TMEM161A: variants seen among roughly 807,000 people sequenced by gnomAD.
TMEM161A encodes transmembrane protein 161A, also known as adaptive response to oxidative stress protein 29.
In TMEM161A, 46 loss-of-function variants were observed where a neutral mutation model predicts 57.1. The ratio of observed to expected loss-of-function variants is 0.81; its 90% confidence interval spans 0.64 to 1.03. The LOEUF is 1.03. Among genes scored for constraint, TMEM161A ranks in the 50% least tolerant of loss-of-function variants. The probability of loss-of-function intolerance (pLI) is 0.00; values close to 1 mark genes in which losing one functional copy is unlikely to be tolerated. For missense variants in TMEM161A, 601 were observed against 621.5 expected, an observed-to-expected ratio of 0.97 and a Z score of 0.35; for synonymous variants, 288 against 279.0, an observed-to-expected ratio of 1.03 and a Z score of -0.32.
At chr19:19,122,388 G>C (rs1328538719) in intron 6 of TMEM161A, among the ~76,000 whole-genome samples, 2 of 152,166 alleles carry the variant, frequency 1.3e-5, no homozygotes, top group Non-Finnish European at 2.9e-5. Flanking sequence ...CTAGGTTATA[G>C]AAGGAATCTA....
rs377105334 is a variant in TMEM161A, at chr19:19,130,166, G to A, written c.585C>T (p.Gly195=). The change falls in exon 6 of 12, where the codon GGC becomes GGT. Residue 195 remains glycine (G), a synonymous_variant. Coordinates refer to ENST00000162044, the MANE Select transcript of TMEM161A (RefSeq NM_017814.3). ...QVVREETLEL[G]LEPGLASMTQ... is the part of the protein sequence containing the mutation. Reference sequence around the variant, plus strand: ...GGGGGCTGCACTTACCAGGCTCCAGGCCCAGCTCGAGGGTCTCCTCCCGCA... The same window carrying A: ...GGGGGCTGCACTTACCAGGCTCCAGACCCAGCTCGAGGGTCTCCTCCCGCA... 57 of 1,613,264 alleles carry A rather than the reference G, an allele frequency of 3.5e-5. No homozygotes were observed. The African/African-American group carries it at 7.6e-4, about 22-fold the overall frequency.
rs2059909390 is a variant in TMEM161A, at chr19:19,121,359, A to G, written c.863T>C (p.Ile288Thr). Reference protein sequence around the residue: ...LFILWLWTKPIARDFLHQPPF... With the variant: ...LFILWLWTKPTARDFLHQPPF... Reference sequence around the variant, plus strand: ...CGGCTGGTGCAGGAAGTCCCGTGCAATGGGCTTTGTCCAGAGCCACAGGAT... The same window carrying G: ...CGGCTGGTGCAGGAAGTCCCGTGCAGTGGGCTTTGTCCAGAGCCACAGGAT... Residue 288 changes from isoleucine (I) to threonine (T), a missense_variant, in exon 9 of 12, where the codon ATT becomes ACT. By Grantham distance (89) the Ile-to-Thr change is moderately conservative (BLOSUM62 -1). Transcript: ENST00000162044. This position sits in a 1 kb window ranked among gnomAD's most constrained non-coding sequence, Gnocchi z 5.8. 2 of 1,603,036 alleles carry G rather than the reference A, an allele frequency of 1.2e-6. No individual in the cohort carries two copies. The highest frequency in any genetic ancestry group is 1.7e-4 in the Middle Eastern group (1 of 6,052).
At chr19:19,133,089 G>A in intron 3 of TMEM161A, 41 bp downstream of exon 3, 3 of 1,580,770 alleles carry the variant, frequency 1.9e-6, no homozygotes, top group Non-Finnish European at 2.6e-6. Flanking sequence ...CTGGGGAGGA[G>A]CCACCCTCCC....
chr19:19,121,828 G>T lies in TMEM161A; in HGVS notation c.596-9C>A. 1 of 1,613,566 alleles carries T rather than the reference G, an allele frequency of 6.2e-7. No individual in the cohort carries two copies. The highest frequency in any genetic ancestry group is 2.2e-5 in the East Asian group (1 of 44,884). On this transcript the variant is annotated splice_polypyrimidine_tract_variant and intron_variant, in intron 6 of 11. Coordinates refer to ENST00000162044, the MANE Select transcript of TMEM161A (RefSeq NM_017814.3). The surrounding 1 kb of genome is among the most constrained non-coding windows in gnomAD (Gnocchi z 5.8). ...GGTCATGCTGGCCAGACCTGGGGAC[G>T]ATAAGAAGAGGACCGAGTAGAGTGA...
Position 19,121,250 on chromosome 19 carries a change from C to G in TMEM161A, c.914+58G>C. The G allele has an allele frequency of 1.9e-6, 3 of 1,551,334 alleles. No homozygotes were observed. Among genetic ancestry groups the G allele is most frequent in the Non-Finnish European group, 1.7e-6 (2 of 1,146,782 alleles). On this transcript the variant is annotated intron_variant, in intron 9 of 11. Coordinates refer to ENST00000162044, the MANE Select transcript of TMEM161A (RefSeq NM_017814.3). The surrounding 1 kb of genome is among the most constrained non-coding windows in gnomAD (Gnocchi z 5.8). ...CTTCCCCAGGCTCCTCCCTGAATCT[C>G]AGAGGCTAGGGCACCCAGGGGAGCC...
intron 6 of TMEM161A, among the ~76,000 whole-genome samples, chr19:19,124,923 C>A (rs2059924139): frequency 6.6e-6 from 1 of 151,724 alleles, no homozygotes; most frequent in Non-Finnish European, 1.5e-5. Context: ...CAGTTGCACT[C>A]CAGCCTGGGT....
intron 11 of TMEM161A, 83 bp downstream of exon 11, chr19:19,120,682 C>T (rs939755253): frequency 1.2e-5 from 16 of 1,331,326 alleles, no homozygotes; most frequent in Non-Finnish European, 1.6e-5. Flanking sequence ...CCCCCCCCAC[C>T]GCGGTCCCCG....
At chr19:19,125,988 G>A (rs1364265123) in intron 6 of TMEM161A, among the ~76,000 whole-genome samples, 1 of 143,948 alleles carries the variant, frequency 6.9e-6, no homozygotes, top group Non-Finnish European at 1.5e-5. Context: ...AAAGTAGGCC[G>A]GGCACGGTGG....
rs1344749480 is a variant in TMEM161A, at chr19:19,120,796, G to A, written c.1155C>T (p.Thr385=). The change falls in exon 11 of 12, where the codon ACC becomes ACT. Residue 385 remains threonine (T), a synonymous_variant. Coordinates refer to ENST00000162044, the MANE Select transcript of TMEM161A (RefSeq NM_017814.3). The part of the protein sequence containing the change: ...SLQYLTPLIL[T]LNCTLLLKTL... The stretch of plus-strand genomic sequence containing the variant: ...TCTTGAGCAGAAGTGTGCAGTTGAG[G>A]GTGAGGATGAGCGGCGTCAGGTACT... 8 of 1,613,496 alleles carry A rather than the reference G, an allele frequency of 5.0e-6. No individual in the cohort carries two copies. Among genetic ancestry groups the A allele is most frequent in the Non-Finnish European group, 6.8e-6 (8 of 1,180,012 alleles).
chr19:19,124,532 T>C (rs1450259522), intron 6 of TMEM161A, among the ~76,000 whole-genome samples: 1 of 152,226 alleles, frequency 6.6e-6, no homozygotes, highest in African/African-American at 2.4e-5. Flanking sequence ...TTTTTAAAGA[T>C]CTATGTTTGA....
rs199513716 is a variant in TMEM161A, at chr19:19,132,670, G to A, written c.273C>T (p.Thr91=). 79 of 1,572,740 alleles carry A rather than the reference G, an allele frequency of 5.0e-5. No homozygotes were observed. Among genetic ancestry groups the A allele is most frequent in the Admixed American group, 2.7e-4 (15 of 55,064 alleles). Residue 91 remains threonine (T), a synonymous_variant, in exon 4 of 12, where the codon ACC becomes ACT. Coordinates refer to ENST00000162044, the MANE Select transcript of TMEM161A (RefSeq NM_017814.3). The surrounding 1 kb of genome is among the most constrained non-coding windows in gnomAD (Gnocchi z 4.3). ...CTGGGCTATTACCCAGGGCATCCACGGTCGTGAGGGGGCAGGTCTCCAGCT... is the reference window on the plus strand; with the variant it reads ...CTGGGCTATTACCCAGGGCATCCACAGTCGTGAGGGGGCAGGTCTCCAGCT... ...PFQLETCPLT[T]VDALVLRFFL...
At position 19,121,537 on chromosome 19, in the gene TMEM161A, C is replaced by G; in HGVS notation, c.788G>C (p.Arg263Thr). The change falls in exon 8 of 12, where the codon AGA (arginine) becomes ACA (threonine). Residue 263 changes from arginine to threonine, a missense_variant. Coordinates refer to ENST00000162044, the MANE Select transcript of TMEM161A (RefSeq NM_017814.3). This position sits in a 1 kb window ranked among gnomAD's most constrained non-coding sequence, Gnocchi z 5.8. ...CGACCCACTTAACTGCAGCATGGGTCTGTCCTCCGACATGGTCAGTGCGTC... is the reference window on the plus strand; with the variant it reads ...CGACCCACTTAACTGCAGCATGGGTGTGTCCTCCGACATGGTCAGTGCGTC... Reference protein sequence around the residue: ...HRDALTMSEDRPMLQFLLHTS... With the variant: ...HRDALTMSEDTPMLQFLLHTS... The G allele has an allele frequency of 1.2e-6, 2 of 1,614,012 alleles. No homozygotes were observed. The highest frequency in any genetic ancestry group is 1.7e-6 in the Non-Finnish European group (2 of 1,179,970).
Position 19,132,327 on chromosome 19 carries a change from G to A in TMEM161A, c.443+25C>T, listed in dbSNP as rs778439811. 6.3e-7 allele frequency: 1 copy of A among 1,599,430 alleles called. No homozygotes were observed. The highest frequency in any genetic ancestry group is 1.1e-5 in the South Asian group (1 of 88,770). ...AGGTCCTGCTCCCACCCGCCCCACT[G>A]GCAGGGAGCAGAGAGGAAGGATACA... On this transcript the variant is annotated intron_variant, in intron 5 of 11. Transcript: ENST00000162044. This position sits in a 1 kb window ranked among gnomAD's most constrained non-coding sequence, Gnocchi z 4.3.
chr19:19,120,976 A>G lies in TMEM161A; in HGVS notation c.1089+16T>C. 1.2e-6 allele frequency: 2 copies of G among 1,606,900 alleles called. No individual in the cohort carries two copies. The highest frequency in any genetic ancestry group is 1.7e-6 in the Non-Finnish European group (2 of 1,176,060). ...CCCCAGGTTCCCTCTGGCCTAGGTCATCGGGGCGTCCATACCCTCTGCTGG... is the reference window on the plus strand; with the variant it reads ...CCCCAGGTTCCCTCTGGCCTAGGTCGTCGGGGCGTCCATACCCTCTGCTGG... On this transcript the variant is annotated intron_variant, in intron 10 of 11. Coordinates refer to ENST00000162044, the MANE Select transcript of TMEM161A (RefSeq NM_017814.3).
rs140281666 is a variant in TMEM161A, at chr19:19,119,750, T to C, written c.*180A>G. ...ATGCTGCTGGGCCCAGGAGAGACAG[T>C]TCTGAGGCAGAAACTCGGCGTCCAA... On this transcript the variant is annotated 3_prime_UTR_variant, in exon 12 of 12. Transcript: ENST00000162044. The C allele has an allele frequency of 6.9e-6, 5 of 728,742 alleles. No individual in the cohort carries two copies. Among genetic ancestry groups the C allele is most frequent in the Non-Finnish European group, 1.1e-5 (5 of 454,724 alleles). The allele number at this position is 728,742 out of a possible 1,614,324, so 45.1% of individuals were successfully genotyped here.
chr19:19,120,406 G>A (rs1431187851), intron 11 of TMEM161A, among the ~76,000 whole-genome samples: 1 of 143,542 alleles, frequency 7.0e-6, no homozygotes, highest in Non-Finnish European at 1.5e-5. Flanking sequence ...TACATGCCCT[G>A]CCCCCTCCCC....
chr19:19,136,639 G>C (rs2059985820), intron 1 of TMEM161A, among the ~76,000 whole-genome samples: 1 of 152,134 alleles, frequency 6.6e-6, no homozygotes. Flanking sequence ...CTGGGCAACA[G>C]AGTGGGACTC....
intron 6 of TMEM161A, among the ~76,000 whole-genome samples, chr19:19,129,936 C>T (rs968997328): frequency 6.6e-6 from 1 of 152,054 alleles, no homozygotes; most frequent in Non-Finnish European, 1.5e-5. Context: ...GAGCTATAGC[C>T]ATGAGTGTCC....
chr19:19,130,329 G>T (rs370625003), intron 5 of TMEM161A, 22 bp from the exon 6 acceptor site: 5 of 1,610,810 alleles, frequency 3.1e-6, no homozygotes, highest in Non-Finnish European at 4.2e-6. Flanking sequence ...AGCTAAGGAG[G>T]CCTCAGGTGC....
Sources: allele counts gnomAD v4.1 joint callset (sites outside exome capture counted in the v4.1 genomes callset), GRCh38; gene constraint gnomAD v4.1.1; non-coding constraint Gnocchi (gnomAD v3.1); transcripts MANE v1.5; gene names NCBI Gene and HGNC (gene_info 2026-07-23, HGNC 2026-07-21).